TENT2: variants seen among roughly 807,000 people sequenced by gnomAD.
TENT2 encodes poly(A) RNA polymerase GLD2.
TENT2 carries 44 observed loss-of-function variants against 72.2 expected under a neutral mutation model. The ratio of observed to expected loss-of-function variants is 0.61; its 90% CI spans 0.48 to 0.78. TENT2 has a LOEUF of 0.78. Ranked by LOEUF, TENT2 falls within the 30% of genes least tolerant of loss-of-function variation. The pLI is 0.00. For synonymous variants in TENT2, 212 were observed against 192.5 expected, an observed-to-expected ratio of 1.10 and a Z score of -0.84; for missense variants, 541 against 569.6, an observed-to-expected ratio of 0.95 and a Z score of 0.51.
intron 10 of TENT2, among the ~76,000 whole-genome samples, chr5:79,651,301 A>G (rs1345117932): frequency 6.6e-6 from 1 of 152,054 alleles, no homozygotes. Context: ...TTTCCTCTAC[A>G]AAAACATGGT....
intron 8 of TENT2, among the ~76,000 whole-genome samples, chr5:79,647,743 T>C (rs1700427975): frequency 6.6e-6 from 1 of 152,166 alleles, no homozygotes; most frequent in Non-Finnish European, 1.5e-5. Context: ...CTCGCATAGG[T>C]ATGAGTAGAA....
chr5:79,679,576 T>A lies in TENT2; in HGVS notation c.1209-3T>A, dbSNP rs770382133. ...AACATGGTTACTGTTTTTCTTCTTATAGCTGGAATAGTCAAATGATTTCAG... is the reference window on the plus strand; with the variant it reads ...AACATGGTTACTGTTTTTCTTCTTAAAGCTGGAATAGTCAAATGATTTCAG... On this transcript the variant is annotated splice_polypyrimidine_tract_variant and splice_region_variant and intron_variant, in intron 12 of 14. Transcript: ENST00000453514. 6.3e-7 allele frequency: 1 copy of A among 1,580,584 alleles called. No homozygotes were observed. Among genetic ancestry groups the A allele is most frequent in the Non-Finnish European group, 8.6e-7 (1 of 1,161,394 alleles).
Position 79,623,295 on chromosome 5 carries a change from C to A in TENT2, c.271C>A (p.Gln91Lys), listed in dbSNP as rs1413905574. 2 of 1,613,092 alleles carry A rather than the reference C, an allele frequency of 1.2e-6. No homozygotes were observed. Among genetic ancestry groups the A allele is most frequent in the Non-Finnish European group, 1.7e-6 (2 of 1,179,522 alleles). The change falls in exon 4 of 15, where the codon CAA (glutamine) becomes AAA (lysine). Residue 91 changes from glutamine (Q) to lysine (K), a missense_variant. Gln to Lys is a moderately conservative substitution (Grantham distance 53). Coordinates refer to ENST00000453514, the MANE Select transcript of TENT2 (RefSeq NM_001114394.3). ...AAACCTTCCTCTTGACGGTAAACGG[C>A]AACGTTTCCATTCACCCCACCAAGA... ...EKNLPLDGKR[Q>K]RFHSPHQEPT...
At chr5:79,659,026 G>C (rs1324990090) in intron 11 of TENT2, among the ~76,000 whole-genome samples, 1 of 152,026 alleles carries the variant, frequency 6.6e-6, no homozygotes, top group Non-Finnish European at 1.5e-5. Flanking sequence ...GCGAGATTAG[G>C]AATCTCCTAA....
intron 4 of TENT2, among the ~76,000 whole-genome samples, chr5:79,639,617 A>C (rs1324595437): frequency 6.6e-6 from 1 of 152,122 alleles, no homozygotes; most frequent in Non-Finnish European, 1.5e-5. Context: ...TAGGGAAAGA[A>C]ATAACACCAT....
intron 1 of TENT2, chr5:79,614,158 C>T (rs891686934): frequency 3.9e-5 from 5 of 127,718 alleles, no homozygotes; most frequent in African/African-American, 1.6e-4. Flanking sequence ...GGCTACAGTG[C>T]AATGGCACTA....
intron 4 of TENT2, among the ~76,000 whole-genome samples, chr5:79,633,429 A>G (rs932351268): frequency 6.8e-6 from 1 of 147,298 alleles, no homozygotes; most frequent in Admixed American, 6.7e-5. Context: ...TTCCAGCTAA[A>G]AAGTTTTTTT....
chr5:79,650,378 C>T (rs541291317), intron 10 of TENT2, among the ~76,000 whole-genome samples: 75 of 151,888 alleles, frequency 4.9e-4, no homozygotes, highest in Non-Finnish European at 8.5e-4. Flanking sequence ...CCTACCAAAA[C>T]GTGAATTATT....
At chr5:79,657,435 T>C (rs998618937) in intron 11 of TENT2, among the ~76,000 whole-genome samples, 1 of 152,156 alleles carries the variant, frequency 6.6e-6, no homozygotes, top group Admixed American at 6.5e-5. Context: ...ATAATCTTTC[T>C]ATCTTTAATT....
chr5:79,649,204 G>C lies in TENT2; in HGVS notation c.1027+14G>C. On this transcript the variant is annotated intron_variant, in intron 10 of 14. Coordinates refer to ENST00000453514, the MANE Select transcript of TENT2 (RefSeq NM_001114394.3). ...ACTATTTACAAAGTAAGTATAATGG[G>C]GTTTTACCCAATTTTTAAAAGTAAA... The C allele has an allele frequency of 6.9e-6, 11 of 1,602,476 alleles. No individual in the cohort carries two copies. Among genetic ancestry groups the C allele is most frequent in the Non-Finnish European group, 9.4e-6 (11 of 1,172,630 alleles).
intron 14 of TENT2, 102 bp downstream of exon 14, chr5:79,682,163 G>T: frequency 1.4e-6 from 1 of 716,006 alleles, no homozygotes; most frequent in East Asian, 2.8e-5. Context: ...TCTCTTCTGT[G>T]AATCCATTAA....
In TENT2 at chr5:79,669,039, C is replaced by T; in HGVS notation, c.1208+11C>T. The T allele has an allele frequency of 1.2e-6, 2 of 1,612,424 alleles. No individual in the cohort carries two copies. Among genetic ancestry groups the T allele is most frequent in the African/African-American group, 1.3e-5 (1 of 74,752 alleles). ...TGCTACAGAATTTGAGTAAGTAAAA[C>T]TTTAAATTGTGTTTGTTCACTTATA... On this transcript the variant is annotated intron_variant, in intron 12 of 14. Transcript: ENST00000453514.
intron 4 of TENT2, among the ~76,000 whole-genome samples, chr5:79,623,837 A>T (rs1197566543): frequency 2.6e-5 from 4 of 152,054 alleles, no homozygotes; most frequent in African/African-American, 4.8e-5. Flanking sequence ...ACATTTTATT[A>T]TGGGATATTT....
chr5:79,616,102 G>T (rs1490124211), intron 1 of TENT2, among the ~76,000 whole-genome samples: 1 of 151,616 alleles, frequency 6.6e-6, no homozygotes, highest in Non-Finnish European at 1.5e-5. Context: ...GGCCAGGCTG[G>T]TCTCGAACTC....
At chr5:79,655,332 G>T (rs556985075) in intron 10 of TENT2, among the ~76,000 whole-genome samples, 5 of 151,910 alleles carry the variant, frequency 3.3e-5, no homozygotes, top group Non-Finnish European at 7.4e-5. Context: ...AAGCTTTTTT[G>T]TCCATTGAAA....
rs546014363 is a variant in TENT2 at position 79,670,867 on chromosome 5, C to T, written c.1208+1839C>T. ...AGGGAATTTGTGTACATGAAACTTG[C>T]CCATGGCAATCTACAGCTAGATTGT... is the stretch of plus-strand genomic sequence containing the variant. On this transcript the variant is annotated intron_variant, in intron 12 of 14. Coordinates refer to ENST00000453514, the MANE Select transcript of TENT2 (RefSeq NM_001114394.3). Among the ~76,000 whole-genome samples, 9 of 151,186 alleles carry T rather than the reference C, an allele frequency of 6.0e-5. No homozygotes were observed. In the East Asian group the frequency reaches 1.7e-3, roughly 29 times the overall value.
chr5:79,613,501 T>G (rs3829808), intron 1 of TENT2, among the ~76,000 whole-genome samples: 31,006 of 152,170 alleles, frequency 0.2, 4,685 homozygotes, highest in African/African-American at 0.42. Context: ...TGTAAATATC[T>G]TCATATTGTA....
At chr5:79,672,709 T>C (rs992205949) in intron 12 of TENT2, among the ~76,000 whole-genome samples, 3 of 152,234 alleles carry the variant, frequency 2.0e-5, no homozygotes, top group Non-Finnish European at 4.4e-5. Context: ...CATTCCTCTG[T>C]TGATGGACAC....
intron 12 of TENT2, among the ~76,000 whole-genome samples, chr5:79,678,619 TG>T (rs1456355386): frequency 6.6e-6 from 1 of 152,204 alleles, no homozygotes; most frequent in Non-Finnish European, 1.5e-5. Flanking sequence ...TTGTTTTACT[TG>T]AATAAAATTT....
Sources: allele counts gnomAD v4.1 joint callset (sites outside exome capture counted in the v4.1 genomes callset), GRCh38; gene constraint gnomAD v4.1.1; transcripts MANE v1.5; gene names NCBI Gene and HGNC (gene_info 2026-07-23, HGNC 2026-07-21).